CDK6: variants seen among roughly 807,000 people sequenced by gnomAD.
The protein encoded by CDK6 is cyclin-dependent kinase 6.
Under a neutral mutation model 37.1 loss-of-function variants are expected in CDK6, and 6 were observed. That is an observed-to-expected ratio of 0.16 (90% confidence interval 0.09 to 0.32). CDK6 has a LOEUF of 0.32. CDK6 is among the 10% of genes least tolerant of loss of function. CDK6 has a pLI of 1.00. For synonymous variants in CDK6, 160 were observed against 161.3 expected (o/e 0.99, Z 0.06); for missense variants, 224 against 418.9 (o/e 0.53, Z 4.06).
At position 92,702,220 on chromosome 7, in the gene CDK6, CTTTTTTTTTTT is replaced by C. The variant is rs3066453; in HGVS notation, c.537+23395_537+23405del. On this transcript the variant is annotated intron_variant, in intron 4 of 7. Coordinates refer to ENST00000424848, the MANE Select transcript of CDK6 (RefSeq NM_001145306.2). ...AATATGTTGCATTATCAAGTATATT[CTTTTTTTTTTT>C]TTTTTTTTTTTTTTTTTTTGAGACA... Among the ~76,000 whole-genome samples the C allele has an allele frequency of 1.0e-3, 47 of 44,952 alleles. No individual in the cohort carries two copies. The South Asian group carries it at 0.016, about 15-fold the overall frequency. 29.5% of individuals were successfully genotyped at this position (44,952 alleles called of 152,430 possible).
chr7:92,624,742 G>T (rs1424388447), intron 5 of CDK6, among the ~76,000 whole-genome samples: 1 of 152,056 alleles, frequency 6.6e-6, no homozygotes, highest in Non-Finnish European at 1.5e-5. Context: ...GGCAAAAAAT[G>T]GAATCTTAAC....
intron 5 of CDK6, among the ~76,000 whole-genome samples, chr7:92,626,116 G>A (rs1335397381): frequency 1.3e-5 from 2 of 151,956 alleles, no homozygotes; most frequent in African/African-American, 2.4e-5. Context: ...ACTGGATGAA[G>A]CAGAAAATCA....
Position 92,649,911 on chromosome 7 carries a change from G to C in CDK6, c.647+21515C>G, listed in dbSNP as rs529591937. 3.3e-5 allele frequency among the ~76,000 whole-genome samples: 5 copies of C among 152,254 alleles called. No homozygotes were observed. The East Asian group carries it at 9.6e-4, about 29-fold the overall frequency. On this transcript the variant is annotated intron_variant, in intron 5 of 7. Transcript: ENST00000424848. ...TAGGTAAGTAGCCTTCAGAGCTTAG[G>C]AACCATAAATAACAACCAGACCTTG...
intron 4 of CDK6, among the ~76,000 whole-genome samples, chr7:92,707,871 A>G (rs1562941997): frequency 6.6e-6 from 1 of 152,202 alleles, no homozygotes; most frequent in Non-Finnish European, 1.5e-5. Flanking sequence ...AGCCATTATC[A>G]AGTGTATGAT....
At chr7:92,806,599 C>G (rs1186700246) in intron 2 of CDK6, among the ~76,000 whole-genome samples, 3 of 152,194 alleles carry the variant, frequency 2.0e-5, no homozygotes, top group Admixed American at 1.3e-4. Context: ...TTAAAGCAGT[C>G]AGTTCATGTT....
intron 2 of CDK6, among the ~76,000 whole-genome samples, chr7:92,815,979 A>G (rs1269059952): frequency 1.3e-5 from 2 of 152,154 alleles, no homozygotes; most frequent in Non-Finnish European, 2.9e-5. Context: ...CTAGCCTGGA[A>G]GCAAAGCCTA....
chr7:92,811,205 C>T (rs139899074), intron 2 of CDK6, among the ~76,000 whole-genome samples: 70 of 152,224 alleles, frequency 4.6e-4, no homozygotes, highest in African/African-American at 1.6e-3. Context: ...CAGTATTTTA[C>T]TCATTGGACA....
chr7:92,687,421 A>G (rs1797485003), intron 4 of CDK6, among the ~76,000 whole-genome samples: 1 of 152,192 alleles, frequency 6.6e-6, no homozygotes, highest in African/African-American at 2.4e-5. Context: ...TCTGATAAAG[A>G]AGTTCTTCCA....
At chr7:92,767,452 G>C (rs1584067514) in intron 3 of CDK6, among the ~76,000 whole-genome samples, 2 of 152,076 alleles carry the variant, frequency 1.3e-5, no homozygotes, top group East Asian at 1.9e-4. Context: ...AATTAGAAAG[G>C]TTACACTGAA....
intron 2 of CDK6, among the ~76,000 whole-genome samples, chr7:92,796,218 T>C (rs1026273942): frequency 3.9e-5 from 6 of 151,934 alleles, no homozygotes; most frequent in Non-Finnish European, 8.8e-5. Context: ...ATTTATACAA[T>C]TTTTTAAAAG....
chr7:92,782,012 G>T (rs1800005023), intron 2 of CDK6, among the ~76,000 whole-genome samples: 1 of 152,148 alleles, frequency 6.6e-6, no homozygotes, highest in Non-Finnish European at 1.5e-5. Context: ...ATAGCTCCAG[G>T]AGTATTTGCC....
In CDK6 at chr7:92,663,633, G is replaced by A. The variant is rs866776213; in HGVS notation, c.647+7793C>T. On this transcript the variant is annotated intron_variant, in intron 5 of 7. Transcript: ENST00000424848. The stretch of plus-strand genomic sequence containing the variant: ...GGAGAATTGCTTGAACCCAGGAGGC[G>A]GAGGTTGCAGTGAGCCGAGATTGCA... Among the ~76,000 whole-genome samples the A allele has an allele frequency of 9.6e-4, 145 of 151,684 alleles. 1 individual carries two copies. The highest frequency in any genetic ancestry group is 3.2e-3 in the African/African-American group (133 of 41,352).
intron 7 of CDK6, 101 bp from the exon 8 acceptor site, chr7:92,615,387 T>C: frequency 1.1e-6 from 1 of 917,020 alleles, no homozygotes; most frequent in Non-Finnish European, 1.7e-6. Flanking sequence ...GTTAAGCGCA[T>C]CTACAGTGGG....
chr7:92,755,246 C>T (rs1005276515), intron 3 of CDK6, among the ~76,000 whole-genome samples: 3 of 152,118 alleles, frequency 2.0e-5, no homozygotes, highest in African/African-American at 7.2e-5. Flanking sequence ...TTCCTTTCCC[C>T]GCAGCTGTCT....
At chr7:92,717,511 G>T (rs1402705830) in intron 4 of CDK6, among the ~76,000 whole-genome samples, 1 of 151,266 alleles carries the variant, frequency 6.6e-6, no homozygotes, top group Non-Finnish European at 1.5e-5. Flanking sequence ...AAAAGAAAAA[G>T]AAAGAAAGAA....
In CDK6 at chr7:92,802,000, C is replaced by CTCCCTCCCT. The variant is rs527275618; in HGVS notation, c.234-27178_234-27170dup. 9.2e-3 allele frequency among the ~76,000 whole-genome samples: 1,297 copies of CTCCCTCCCT among 140,564 alleles called. 21 individuals carry two copies. Among genetic ancestry groups the CTCCCTCCCT allele is most frequent in the African/African-American group, 0.03 (1,121 of 37,332 alleles). The allele number at this position is 140,564 out of a possible 152,430, so 92.2% of individuals were successfully genotyped here. The stretch of plus-strand genomic sequence containing the variant: ...TTCCCTTCTCCTTTCCTTCCCCTCC[C>CTCCCTCCCT]TCCCTCCCTTCCCTCCTTCCTTTCC... On this transcript the variant is annotated intron_variant, in intron 2 of 7. Transcript: ENST00000424848.
intron 4 of CDK6, among the ~76,000 whole-genome samples, chr7:92,711,450 T>C (rs1002128594): frequency 5.3e-5 from 8 of 151,118 alleles, no homozygotes; most frequent in Non-Finnish European, 1.2e-4. Context: ...GCAAAAAATA[T>C]AAAAGTTCAT....
At chr7:92,701,357 TATTATC>T (rs1000767237) in intron 4 of CDK6, among the ~76,000 whole-genome samples, 1 of 152,110 alleles carries the variant, frequency 6.6e-6, no homozygotes, top group Non-Finnish European at 1.5e-5. Flanking sequence ...ATACAAACAA[TATTATC>T]ATTAACAGGG....
intron 3 of CDK6, among the ~76,000 whole-genome samples, chr7:92,758,372 C>T (rs1562957092): frequency 1.3e-5 from 2 of 152,188 alleles, no homozygotes; most frequent in South Asian, 4.1e-4. Context: ...TATTCCAGCA[C>T]CCTTTACTGA....
Sources: allele counts gnomAD v4.1 joint callset (sites outside exome capture counted in the v4.1 genomes callset), GRCh38; gene constraint gnomAD v4.1.1; transcripts MANE v1.5; gene names NCBI Gene and HGNC (gene_info 2026-07-23, HGNC 2026-07-21).